Variants in SYT13 observed in about 807,000 individuals in gnomAD.
SYT13 encodes the protein synaptotagmin-13.
SYT13 carries 21 observed loss-of-function variants against 38.6 expected under a neutral mutation model. The observed-to-expected ratio is 0.54, with a 90% CI of 0.39 to 0.78. SYT13 has a LOEUF of 0.78. Ranked by LOEUF, SYT13 falls within the 30% of genes least tolerant of loss-of-function variation. SYT13 has a pLI of 0.00. For synonymous variants in SYT13, 241 were observed against 237.6 expected (o/e 1.01, Z -0.13); for missense variants, 495 against 548.7 (o/e 0.90, Z 0.98).
At chr11:45,281,060 G>A (rs1053806640) in intron 1 of SYT13, among the ~76,000 whole-genome samples, 1 of 152,116 alleles carries the variant, frequency 6.6e-6, no homozygotes, top group African/African-American at 2.4e-5. Flanking sequence ...GCCGGGCATG[G>A]TGGTAGGTGC....
intron 1 of SYT13, among the ~76,000 whole-genome samples, chr11:45,267,320 C>T (rs866660067): frequency 6.6e-6 from 1 of 152,234 alleles, no homozygotes; most frequent in African/African-American, 2.4e-5. Context: ...GCCCCTAAGG[C>T]GGATGCCCAG....
rs967261710 is a variant in SYT13 at position 45,241,889 on chromosome 11, G to T, written c.*2163C>A. On this transcript the variant is annotated 3_prime_UTR_variant, in exon 6 of 6. Coordinates refer to ENST00000020926, the MANE Select transcript of SYT13 (RefSeq NM_020826.3). ...GCCTACACAACACTTGGCAGGGGCT[G>T]GCCAACCTCAGTGATGAAGGTTTCC... 18 of 152,200 alleles carry T rather than the reference G, an allele frequency of 1.2e-4. No individual in the cohort carries two copies. Among genetic ancestry groups the T allele is most frequent in the Admixed American group, 8.5e-4 (13 of 15,280 alleles). The allele number at this position is 152,200 out of a possible 1,614,324, so 9.4% of individuals were successfully genotyped here. A position where few individuals can be genotyped will look rare whatever the true frequency, so the allele number is the denominator to read the frequency against.
chr11:45,244,894 A>T (rs557242434), intron 5 of SYT13, among the ~76,000 whole-genome samples: 9 of 152,296 alleles, frequency 5.9e-5, no homozygotes, highest in African/African-American at 9.6e-5. Flanking sequence ...ACATGACTTC[A>T]TATCCTCACA....
At chr11:45,274,829 G>C (rs1565395086) in intron 1 of SYT13, among the ~76,000 whole-genome samples, 1 of 152,146 alleles carries the variant, frequency 6.6e-6, no homozygotes, top group Non-Finnish European at 1.5e-5. Context: ...TCTTACCAGA[G>C]AGTCCAACCT....
chr11:45,271,623 C>T (rs763058630), intron 1 of SYT13, among the ~76,000 whole-genome samples: 16 of 152,116 alleles, frequency 1.1e-4, no homozygotes, highest in African/African-American at 3.6e-4. Context: ...AATGGAGAAA[C>T]GTTGACAGTT....
At chr11:45,261,845 G>C (rs1388383686) in intron 1 of SYT13, among the ~76,000 whole-genome samples, 1 of 151,660 alleles carries the variant, frequency 6.6e-6, no homozygotes, top group Non-Finnish European at 1.5e-5. Context: ...GAACCCGGGA[G>C]GCGAAGGTTG....
At chr11:45,256,226 C>A (rs527619162) in intron 1 of SYT13, among the ~76,000 whole-genome samples, 4 of 152,224 alleles carry the variant, frequency 2.6e-5, no homozygotes, top group African/African-American at 9.6e-5. Flanking sequence ...TTCCTTCTCC[C>A]TTCTCCCTTC....
chr11:45,269,124 T>C (rs1489724442), intron 1 of SYT13, among the ~76,000 whole-genome samples: 1 of 151,960 alleles, frequency 6.6e-6, no homozygotes, highest in East Asian at 1.9e-4. Context: ...TGACTTTGGG[T>C]TGGGCACCCT....
intron 1 of SYT13, among the ~76,000 whole-genome samples, chr11:45,283,220 C>T (rs543669542): frequency 1.3e-5 from 2 of 152,182 alleles, no homozygotes; most frequent in Admixed American, 1.3e-4. Context: ...CTTCATCCAG[C>T]CATTCAGGGT....
chr11:45,285,301 G>T (rs927387166), intron 1 of SYT13, among the ~76,000 whole-genome samples: 7 of 152,200 alleles, frequency 4.6e-5, no homozygotes, highest in Non-Finnish European at 7.3e-5. Flanking sequence ...AGGGGCTCTG[G>T]CCATGAGCAA....
intron 1 of SYT13, among the ~76,000 whole-genome samples, chr11:45,265,387 G>A (rs893249732): frequency 6.6e-6 from 1 of 152,226 alleles, no homozygotes; most frequent in Non-Finnish European, 1.5e-5. Context: ...AGTCACCATG[G>A]GGGTTGGGAG....
chr11:45,270,659 AAAG>A (rs1335339249), intron 1 of SYT13, among the ~76,000 whole-genome samples: 1 of 152,184 alleles, frequency 6.6e-6, no homozygotes, highest in Non-Finnish European at 1.5e-5. Flanking sequence ...CATGGAAGAG[AAAG>A]GAGGTAAATC....
At chr11:45,267,580 C>A (rs1854900156) in intron 1 of SYT13, among the ~76,000 whole-genome samples, 2 of 152,100 alleles carry the variant, frequency 1.3e-5, no homozygotes, top group Non-Finnish European at 1.5e-5. Flanking sequence ...GTAGACACCC[C>A]CTCTCTCATG....
chr11:45,273,809 G>A (rs1371421944), intron 1 of SYT13, among the ~76,000 whole-genome samples: 1 of 152,162 alleles, frequency 6.6e-6, no homozygotes, highest in African/African-American at 2.4e-5. Flanking sequence ...TATCACGTCT[G>A]GAATACTGTT....
At chr11:45,254,536 T>A (rs1431356280) in intron 2 of SYT13, 132 bp from the exon 3 acceptor site, 1 of 1,311,954 alleles carries the variant, frequency 7.6e-7, no homozygotes, top group Non-Finnish European at 1.0e-6. Flanking sequence ...AGAATCACAG[T>A]GGCCACACCA....
At chr11:45,247,177 T>C (rs2135885517) in intron 4 of SYT13, among the ~76,000 whole-genome samples, 1 of 152,316 alleles carries the variant, frequency 6.6e-6, no homozygotes, top group South Asian at 2.1e-4. Flanking sequence ...GTAACTCTCC[T>C]GAAATTCGTA....
intron 1 of SYT13, 77 bp downstream of exon 1, chr11:45,285,948 C>T (rs938268007): frequency 4.5e-6 from 7 of 1,544,730 alleles, no homozygotes; most frequent in African/African-American, 4.0e-5. Flanking sequence ...CGACCGCCTC[C>T]CACCCCAGTT....
At chr11:45,253,972 G>C (rs958354051) in intron 3 of SYT13, 3 of 239,812 alleles carry the variant, frequency 1.3e-5, no homozygotes, top group Admixed American at 1.1e-4. Context: ...GCCAGATACA[G>C]ATGGCAAGGA....
rs778746369 is a variant in SYT13, at chr11:45,286,048, T to C, written c.160A>G (p.Ser54Gly). 9.3e-6 allele frequency: 15 copies of C among 1,609,326 alleles called. No individual in the cohort carries two copies. Among genetic ancestry groups the C allele is most frequent in the Admixed American group, 1.7e-5 (1 of 59,876 alleles). ...QDPDLEKAKP[S>G]LLGSAQQFNV... ...ACCTGTTGTGCAGACCCGAGCAAGC[T>C]GGGCTTCGCCTTCTCCAGGTCGGGG... The change falls in exon 1 of 6, where the codon AGC becomes GGC. Residue 54 changes from serine (S) to glycine (G), a missense_variant. Coordinates refer to ENST00000020926, the MANE Select transcript of SYT13 (RefSeq NM_020826.3).
Sources: gnomAD v4.1 joint callset for allele counts (sites outside exome capture counted in the v4.1 genomes callset) on GRCh38, gnomAD v4.1.1 for gene constraint, MANE v1.5 for transcripts, NCBI Gene and HGNC (gene_info 2026-07-23, HGNC 2026-07-21) for gene names.